Variants in NFILZ observed in about 807,000 individuals in gnomAD.
NFILZ encodes the protein NFIL3 like protein.
Position 8,663,126 on chromosome 19 carries a change from G to GT in NFILZ, c.-163-11419dup, listed in dbSNP as rs573514232. On this transcript the variant is annotated intron_variant, in intron 3 of 5. Transcript: ENST00000691075. ...CCATGCCTGGGTTTTGTTTTGTTTTGTTTTTTGCTTTTTTAAGAGATGGGG... is the reference window on the plus strand; with the variant it reads ...CCATGCCTGGGTTTTGTTTTGTTTTGTTTTTTTGCTTTTTTAAGAGATGGGG... Among the ~76,000 whole-genome samples the GT allele has an allele frequency of 5.3e-5, 8 of 151,380 alleles. No homozygotes were observed. The East Asian group carries it at 1.6e-3, about 30-fold the overall frequency.
intron 3 of NFILZ, among the ~76,000 whole-genome samples, chr19:8,652,145 G>T (rs10407259): frequency 6.8e-6 from 1 of 146,672 alleles, no homozygotes; most frequent in Non-Finnish European, 1.5e-5. Flanking sequence ...CTCTGTCGCC[G>T]AGGCTGGAGT....
intron 3 of NFILZ, among the ~76,000 whole-genome samples, chr19:8,673,271 G>A (rs1250511719): frequency 6.6e-6 from 1 of 152,172 alleles, no homozygotes; most frequent in Non-Finnish European, 1.5e-5. Context: ...GGGATGATAT[G>A]CTCCTGACAG....
At chr19:8,667,902 T>A (rs1264495767) in intron 3 of NFILZ, among the ~76,000 whole-genome samples, 3 of 152,148 alleles carry the variant, frequency 2.0e-5, no homozygotes, top group Non-Finnish European at 4.4e-5. Context: ...ACAATATAAA[T>A]GCTATGTAAA....
chr19:8,641,092 G>A (rs548377527), intron 3 of NFILZ, among the ~76,000 whole-genome samples: 4 of 152,258 alleles, frequency 2.6e-5, no homozygotes, highest in South Asian at 4.1e-4. Flanking sequence ...GTCTTCAAGA[G>A]CATATTCTCC....
chr19:8,648,099 G>C, intron 3 of NFILZ, among the ~76,000 whole-genome samples: 1 of 148,696 alleles, frequency 6.7e-6, no homozygotes, highest in East Asian at 2.0e-4. Flanking sequence ...CTGTGAACCT[G>C]GGAGGTGGAG....
At chr19:8,657,954 G>T (rs530672512) in intron 3 of NFILZ, among the ~76,000 whole-genome samples, 89 of 152,292 alleles carry the variant, frequency 5.8e-4, no homozygotes, top group African/African-American at 2.0e-3. Context: ...GGCTTGGTGG[G>T]TTTGGCAGGA....
rs2043045708 is a variant in NFILZ at position 8,663,736 on chromosome 19, G to GTGTGTGTGTGTATGTGTGTGTA, written c.-163-10804_-163-10803insATGTGTGTGTATGTGTGTGTGT. Among the ~76,000 whole-genome samples the GTGTGTGTGTGTATGTGTGTGTA allele has an allele frequency of 2.0e-3, 266 of 136,136 alleles. 1 individual carries two copies. Among genetic ancestry groups the GTGTGTGTGTGTATGTGTGTGTA allele is most frequent in the Middle Eastern group, 7.1e-3 (2 of 280 alleles). The allele number at this position is 136,136 out of a possible 152,430, so 89.3% of individuals were successfully genotyped here. A position where few individuals can be genotyped will look rare whatever the true frequency, so the allele number is the denominator to read the frequency against. ...TGTGTGTGTGTTTGTGTGTGTGTGT[G>GTGTGTGTGTGTATGTGTGTGTA]TGTGTGTGTGTGTGTGTGTGTGTGT... On this transcript the variant is annotated intron_variant, in intron 3 of 5. Coordinates refer to ENST00000691075, the MANE Select transcript of NFILZ (RefSeq NM_001378600.1).
intron 3 of NFILZ, among the ~76,000 whole-genome samples, chr19:8,639,507 C>G (rs782470688): frequency 5.9e-5 from 9 of 151,914 alleles, no homozygotes; most frequent in Admixed American, 3.3e-4. Flanking sequence ...AGGAAGATCG[C>G]TTGAGCCCAG....
In NFILZ at chr19:8,677,257, G is replaced by A. The variant is rs1342414080; in HGVS notation, c.492G>A (p.Leu164=). Among the ~76,000 whole-genome samples the A allele has an allele frequency of 7.9e-5, 12 of 152,198 alleles. No homozygotes were observed. The highest frequency in any genetic ancestry group is 3.3e-4 in the Admixed American group (5 of 15,280). Residue 164 remains leucine, a synonymous_variant, in exon 6 of 6, where the codon TTG becomes TTA. Transcript: ENST00000691075. Reference sequence around the variant, plus strand: ...TGCTGGCTCCCAGATGGACTGGCTTGGCCACTTCTCCTAGGTCCCCCCAAG... The same window carrying A: ...TGCTGGCTCCCAGATGGACTGGCTTAGCCACTTCTCCTAGGTCCCCCCAAG... ...GCLLAPRWTG[L]ATSPRSPQES...
Position 8,678,422 on chromosome 19 carries a change from A to G in NFILZ, c.*787A>G, listed in dbSNP as rs1392371463. Among the ~76,000 whole-genome samples, 1 of 150,986 alleles carries G rather than the reference A, an allele frequency of 6.6e-6. No homozygotes were observed. The highest frequency in any genetic ancestry group is 1.5e-5 in the Non-Finnish European group (1 of 67,744). On this transcript the variant is annotated 3_prime_UTR_variant, in exon 6 of 6. Coordinates refer to ENST00000691075, the MANE Select transcript of NFILZ (RefSeq NM_001378600.1). ...CATCCACCTATCTATGCATGCATCC[A>G]TCCATCCTCATCCACTCATCCACCC... is the stretch of plus-strand genomic sequence containing the variant.
intron 3 of NFILZ, among the ~76,000 whole-genome samples, chr19:8,642,618 G>A (rs10425648): frequency 0.53 from 80,062 of 151,652 alleles, 23,955 homozygotes; most frequent in South Asian, 0.66. Flanking sequence ...GTTTGCTGGG[G>A]TGCCTTGGTT....
chr19:8,636,925 C>A (rs2042897376), intron 3 of NFILZ, among the ~76,000 whole-genome samples: 2 of 152,156 alleles, frequency 1.3e-5, no homozygotes, highest in Non-Finnish European at 1.5e-5. Context: ...AGACAGGACA[C>A]TGGTCCCCTG....
rs1555749471 is a variant in NFILZ at position 8,663,772 on chromosome 19, A to ATGTG, written c.-163-10776_-163-10775insGTGT. On this transcript the variant is annotated intron_variant, in intron 3 of 5. Coordinates refer to ENST00000691075, the MANE Select transcript of NFILZ (RefSeq NM_001378600.1). ...TGTGTGTGTGTGTGTGTGTGTGTGTATGTATGTGTGTTTGTTGTGGGGGGG... is the reference window on the plus strand; with the variant it reads ...TGTGTGTGTGTGTGTGTGTGTGTGTATGTGTGTATGTGTGTTTGTTGTGGGGGGG... 2.9e-3 allele frequency among the ~76,000 whole-genome samples: 224 copies of ATGTG among 76,756 alleles called. 1 individual carries two copies. In the Middle Eastern group the frequency reaches 0.044, roughly 15 times the overall value. The allele number at this position is 76,756 out of a possible 152,430, so 50.4% of individuals were successfully genotyped here. A position where few individuals can be genotyped will look rare whatever the true frequency, so the allele number is the denominator to read the frequency against.
At chr19:8,657,603 A>G (rs2043010758) in intron 3 of NFILZ, among the ~76,000 whole-genome samples, 1 of 152,058 alleles carries the variant, frequency 6.6e-6, no homozygotes, top group Non-Finnish European at 1.5e-5. Flanking sequence ...GTGGGATTGT[A>G]GTTAGTGGGT....
At chr19:8,672,476 G>A (rs1187388095) in intron 3 of NFILZ, among the ~76,000 whole-genome samples, 1 of 151,020 alleles carries the variant, frequency 6.6e-6, no homozygotes, top group Non-Finnish European at 1.5e-5. Context: ...GCATTTATTA[G>A]TTCATTCAAA....
Position 8,640,501 on chromosome 19 carries a change from C to T in NFILZ, c.-164+4755C>T, listed in dbSNP as rs552008846. Among the ~76,000 whole-genome samples, 4 of 152,074 alleles carry T rather than the reference C, an allele frequency of 2.6e-5. No individual in the cohort carries two copies. In the East Asian group the frequency reaches 7.7e-4, roughly 29 times the overall value. Reference sequence around the variant, plus strand: ...GAAGTTCACTTAGGACACCCGGGGCCAATGGCTGTGAGCAGCAGAAGGTGC... The same window carrying T: ...GAAGTTCACTTAGGACACCCGGGGCTAATGGCTGTGAGCAGCAGAAGGTGC... On this transcript the variant is annotated intron_variant, in intron 3 of 5. Transcript: ENST00000691075.
At chr19:8,643,081 T>C (rs576480673) in intron 3 of NFILZ, among the ~76,000 whole-genome samples, 1 of 151,892 alleles carries the variant, frequency 6.6e-6, no homozygotes, top group African/African-American at 2.4e-5. Flanking sequence ...TCTTGAGTAG[T>C]TGGACCCATA....
rs1345560995 is a variant in NFILZ at position 8,680,255 on chromosome 19, C to T, written c.*2620C>T. 6.6e-6 allele frequency among the ~76,000 whole-genome samples: 1 copy of T among 151,228 alleles called. No homozygotes were observed. Among genetic ancestry groups the T allele is most frequent in the Non-Finnish European group, 1.5e-5 (1 of 67,852 alleles). On this transcript the variant is annotated 3_prime_UTR_variant, in exon 6 of 6. Transcript: ENST00000691075. ...CCTGTTTCCCTTTTTGCTTTGCCCA[C>T]CAAGGAGCTCAGGGCCGAGCTTGTG... is the stretch of plus-strand genomic sequence containing the variant.
At position 8,669,602 on chromosome 19, in the gene NFILZ, A is replaced by G. The variant is rs535832981; in HGVS notation, c.-163-4949A>G. Among the ~76,000 whole-genome samples, 156 of 152,256 alleles carry G rather than the reference A, an allele frequency of 1.0e-3. 1 individual carries two copies. The highest frequency in any genetic ancestry group is 1.9e-3 in the Non-Finnish European group (131 of 68,022). Reference sequence around the variant, plus strand: ...GTGGAAACCAACCTCTACCCTTCAGAGGTGCTATGCAAACTCAAAACTGTG... The same window carrying G: ...GTGGAAACCAACCTCTACCCTTCAGGGGTGCTATGCAAACTCAAAACTGTG... On this transcript the variant is annotated intron_variant, in intron 3 of 5. Coordinates refer to ENST00000691075, the MANE Select transcript of NFILZ (RefSeq NM_001378600.1).
Sources: allele counts gnomAD v4.1 joint callset (sites outside exome capture counted in the v4.1 genomes callset), GRCh38; gene constraint gnomAD v4.1.1; transcripts MANE v1.5; gene names NCBI Gene and HGNC (gene_info 2026-07-23, HGNC 2026-07-21).